Variants in TRIB3 observed in about 807,000 individuals in gnomAD.
TRIB3 encodes the protein tribbles pseudokinase 3.
Under a neutral mutation model 16.6 loss-of-function variants are expected in TRIB3, and 20 were observed. The observed-to-expected ratio is 1.20, with a 90% CI of 0.85 to 1.75. The LOEUF (loss-of-function observed/expected upper bound fraction) is 1.75, where lower values mean the gene tolerates loss of function less well. TRIB3 is among the 40% of genes most tolerant of loss of function. The pLI is 0.00. For synonymous variants in TRIB3, 208 were observed against 217.0 expected (o/e 0.96, Z 0.36); for missense variants, 484 against 488.9 (o/e 0.99, Z 0.10).
intron 3 of TRIB3, among the ~76,000 whole-genome samples, chr20:395,162 C>CTT (rs11470607): frequency 2.1e-5 from 3 of 145,440 alleles, no homozygotes; most frequent in Admixed American, 6.9e-5. Context: ...GCAGGACACA[C>CTT]TTTTTTTTTT....
intron 2 of TRIB3, among the ~76,000 whole-genome samples, 189 bp downstream of exon 2, chr20:388,490 G>A (rs1025560223): frequency 2.0e-5 from 3 of 152,188 alleles, no homozygotes; most frequent in Admixed American, 6.5e-5. Flanking sequence ...CCAGTCCTGG[G>A]GGAGTTCACA....
chr20:382,116 TGTGTGTGTGTGC>T lies in TRIB3; in HGVS notation c.-1+951_-1+962del, dbSNP rs753975446. 9.0e-3 allele frequency among the ~76,000 whole-genome samples: 1,265 copies of T among 139,930 alleles called. 6 individuals are homozygous for T. The highest frequency in any genetic ancestry group is 0.02 in the Middle Eastern group (5 of 250). 91.8% of individuals were successfully genotyped at this position (139,930 alleles called of 152,430 possible). A position where few individuals can be genotyped will look rare whatever the true frequency, so the allele number is the denominator to read the frequency against. ...TGGGAGGGCTGTGTGTGTGTGTGTGTGTGTGTGTGTGCGTGCGCGCGCGCGCTTGCGCTTGAT... is the reference window on the plus strand; with the variant it reads ...TGGGAGGGCTGTGTGTGTGTGTGTGTGTGCGCGCGCGCGCTTGCGCTTGAT... On this transcript the variant is annotated intron_variant, in intron 1 of 3. Coordinates refer to ENST00000217233, the MANE Select transcript of TRIB3 (RefSeq NM_021158.5).
At chr20:391,920 G>T (rs1246564377) in intron 3 of TRIB3, among the ~76,000 whole-genome samples, 1 of 152,042 alleles carries the variant, frequency 6.6e-6, no homozygotes, top group Non-Finnish European at 1.5e-5. Flanking sequence ...TACTCTGAAG[G>T]CTGAGGCAGG....
At chr20:386,557 C>T (rs1484954288) in intron 1 of TRIB3, among the ~76,000 whole-genome samples, 1 of 151,974 alleles carries the variant, frequency 6.6e-6, no homozygotes, top group East Asian at 1.9e-4. Flanking sequence ...TACAGGTATG[C>T]ACCACCACGC....
chr20:382,450 C>A, intron 1 of TRIB3: 1 of 1,344,516 alleles, frequency 7.4e-7, no homozygotes, highest in Non-Finnish European at 1.0e-6. Context: ...AGCATGTGCA[C>A]AGCCAGGTAT....
chr20:390,518 C>T (rs989259886), intron 2 of TRIB3, among the ~76,000 whole-genome samples: 1 of 152,158 alleles, frequency 6.6e-6, no homozygotes, highest in Non-Finnish European at 1.5e-5. Context: ...GGCCCAGGGC[C>T]AGCATACTGA....
Position 381,102 on chromosome 20 carries a change from C to T in TRIB3, c.-68C>T, listed in dbSNP as rs991589248. 3.3e-5 allele frequency: 5 copies of T among 152,164 alleles called. 1 individual carries two copies. Among genetic ancestry groups the T allele is most frequent in the South Asian group, 4.1e-4 (2 of 4,832 alleles). 9.4% of individuals were successfully genotyped at this position (152,164 alleles called of 1,614,324 possible). A position where few individuals can be genotyped will look rare whatever the true frequency, so the allele number is the denominator to read the frequency against. On this transcript the variant is annotated 5_prime_UTR_variant, in exon 1 of 4. Coordinates refer to ENST00000217233, the MANE Select transcript of TRIB3 (RefSeq NM_021158.5). Reference sequence around the variant, plus strand: ...TCGGCAGCAGCGCAGCGGGCCGGCCCACCTGCTGGTGCCCTGGAGGCTCTG... The same window carrying T: ...TCGGCAGCAGCGCAGCGGGCCGGCCTACCTGCTGGTGCCCTGGAGGCTCTG...
intron 1 of TRIB3, among the ~76,000 whole-genome samples, chr20:387,245 C>T (rs2014843562): frequency 6.6e-6 from 1 of 152,058 alleles, no homozygotes; most frequent in Non-Finnish European, 1.5e-5. Context: ...CATCATAGTG[C>T]ACACCTGTAG....
chr20:386,757 G>C (rs571726716), intron 1 of TRIB3, among the ~76,000 whole-genome samples: 73 of 151,184 alleles, frequency 4.8e-4, no homozygotes, highest in Middle Eastern at 6.9e-3. Context: ...ATTTTTAGTA[G>C]AGATGGGGTT....
chr20:383,434 C>T (rs550970476), intron 1 of TRIB3, among the ~76,000 whole-genome samples: 4 of 152,256 alleles, frequency 2.6e-5, no homozygotes, highest in African/African-American at 7.2e-5. Flanking sequence ...CGCTTTTCAT[C>T]GTTGTTTTTG....
At chr20:382,304 A>C (rs1031895805) in intron 1 of TRIB3, 4 of 520,716 alleles carry the variant, frequency 7.7e-6, no homozygotes, top group Admixed American at 3.1e-5. Flanking sequence ...CAGTTACCGC[A>C]TCTGTCCCCA....
At chr20:387,333 A>G (rs2014845666) in intron 1 of TRIB3, among the ~76,000 whole-genome samples, 1 of 152,152 alleles carries the variant, frequency 6.6e-6, no homozygotes, top group South Asian at 2.1e-4. Flanking sequence ...TGTAATAGTA[A>G]GAGTCTCCTC....
chr20:382,766 G>C (rs1484002299), intron 1 of TRIB3: 8 of 660,752 alleles, frequency 1.2e-5, no homozygotes, highest in Non-Finnish European at 1.9e-5. Flanking sequence ...CCCCCAGCTA[G>C]AAAGGGTTTG....
intron 3 of TRIB3, among the ~76,000 whole-genome samples, chr20:392,904 A>G (rs1182925089): frequency 6.6e-6 from 1 of 152,150 alleles, no homozygotes; most frequent in Non-Finnish European, 1.5e-5. Flanking sequence ...GGAGAAGGGC[A>G]GAGAGACTCG....
chr20:382,561 C>G, intron 1 of TRIB3: 1 of 1,535,732 alleles, frequency 6.5e-7, no homozygotes, highest in Non-Finnish European at 8.7e-7. Flanking sequence ...ACTTATGCAT[C>G]TTGCTGTGAA....
rs1045582422 is a variant in TRIB3, at chr20:396,883, C to A, written c.*193C>A. ...ATGCAGTTCCTGCTTGGGTGCTTAT[C>A]AGGTGCCAAGCCCTGTTCTCGGTGC... On this transcript the variant is annotated 3_prime_UTR_variant, in exon 4 of 4. Transcript: ENST00000217233. 12 of 782,898 alleles carry A rather than the reference C, an allele frequency of 1.5e-5. No individual in the cohort carries two copies. In the African/African-American group the frequency reaches 1.7e-4, roughly 11 times the overall value. The allele number at this position is 782,898 out of a possible 1,614,324, so 48.5% of individuals were successfully genotyped here. A position where few individuals can be genotyped will look rare whatever the true frequency, so the allele number is the denominator to read the frequency against.
chr20:391,669 CTT>C, intron 3 of TRIB3, 90 bp downstream of exon 3: 2 of 1,484,896 alleles, frequency 1.3e-6, no homozygotes, highest in Non-Finnish European at 1.8e-6. Flanking sequence ...GGCAAGGTAA[CTT>C]AGGCAAGAAG....
rs897083249 is a variant in TRIB3, at chr20:382,468, C to T, written c.-1+1299C>T. 6 of 1,456,408 alleles carry T rather than the reference C, an allele frequency of 4.1e-6. No homozygotes were observed. The African/African-American group carries it at 4.2e-5, about 10-fold the overall frequency. The allele number at this position is 1,456,408 out of a possible 1,614,324, so 90.2% of individuals were successfully genotyped here. A position where few individuals can be genotyped will look rare whatever the true frequency, so the allele number is the denominator to read the frequency against. On this transcript the variant is annotated intron_variant, in intron 1 of 3. Transcript: ENST00000217233. ...ATGTGCACAGCCAGGTATCATCCTG[C>T]GTGACTCAGAACAGCCTTGAGATGT...
chr20:381,423 C>G (rs7260693), intron 1 of TRIB3: 15,664 of 153,010 alleles, frequency 0.1, 1,146 homozygotes, highest in Admixed American at 0.24. Flanking sequence ...TGGGGTCGCC[C>G]GAGTTGGGCT....
Sources: allele counts gnomAD v4.1 joint callset (sites outside exome capture counted in the v4.1 genomes callset), GRCh38; gene constraint gnomAD v4.1.1; transcripts MANE v1.5; gene names NCBI Gene and HGNC (gene_info 2026-07-23, HGNC 2026-07-21).